The following SNX1 variants were observed in gnomAD, a reference collection of about 807,000 sequenced individuals.
The protein encoded by SNX1 is sorting nexin 1.
In SNX1, 36 loss-of-function variants were observed where a neutral mutation model predicts 71.8. The observed-to-expected ratio is 0.50, with a 90% CI of 0.38 to 0.66. SNX1 has a LOEUF of 0.66. SNX1 is among the 30% of genes least tolerant of loss of function. SNX1 has a pLI of 0.00. For synonymous variants in SNX1, 254 were observed against 240.7 expected (o/e 1.06, Z -0.51); for missense variants, 612 against 646.7 (o/e 0.95, Z 0.58).
Position 64,129,353 on chromosome 15 carries a change from C to A in SNX1, c.808-563C>A. Reference sequence around the variant, plus strand: ...TAGATTTTTCAGCGTCCTTTCCATGCCCTAGGAGAGTACTGGGGAGACTGA... The same window carrying A: ...TAGATTTTTCAGCGTCCTTTCCATGACCTAGGAGAGTACTGGGGAGACTGA... On this transcript the variant is annotated intron_variant, in intron 8 of 14. Transcript: ENST00000559844. This position sits in a 1 kb window ranked among gnomAD's most constrained non-coding sequence, Gnocchi z 4.4. Among the ~76,000 whole-genome samples, 1 of 152,122 alleles carries A rather than the reference C, an allele frequency of 6.6e-6. No homozygotes were observed. Among genetic ancestry groups the A allele is most frequent in the East Asian group, 1.9e-4 (1 of 5,194 alleles).
chr15:64,137,270 C>T (rs752599032), intron 14 of SNX1, among the ~76,000 whole-genome samples: 6 of 152,246 alleles, frequency 3.9e-5, no homozygotes, highest in Non-Finnish European at 7.3e-5. Context: ...GAAACAGTGG[C>T]CCCACTGTGA....
Position 64,134,004 on chromosome 15 carries a change from T to G in SNX1, c.1222-660T>G, listed in dbSNP as rs1264204088. Among the ~76,000 whole-genome samples the G allele has an allele frequency of 1.3e-5, 2 of 152,208 alleles. No individual in the cohort carries two copies. The highest frequency in any genetic ancestry group is 2.9e-5 in the Non-Finnish European group (2 of 68,036). On this transcript the variant is annotated intron_variant, in intron 11 of 14. Transcript: ENST00000559844. This position sits in a 1 kb window ranked among gnomAD's most constrained non-coding sequence, Gnocchi z 4.1. Reference sequence around the variant, plus strand: ...AGCCTAGAGCAGGTGAGTGTGTGGTTGGGAAAAAGCAATGTGGCCCTATGG... The same window carrying G: ...AGCCTAGAGCAGGTGAGTGTGTGGTGGGGAAAAAGCAATGTGGCCCTATGG...
At chr15:64,099,858 C>T (rs974244402) in intron 1 of SNX1, among the ~76,000 whole-genome samples, 1 of 152,114 alleles carries the variant, frequency 6.6e-6, no homozygotes, top group Non-Finnish European at 1.5e-5. Context: ...ATTACAGGCA[C>T]GTACTAGCGT....
intron 1 of SNX1, among the ~76,000 whole-genome samples, chr15:64,107,842 C>G (rs141811130): frequency 9.9e-5 from 15 of 152,160 alleles, no homozygotes; most frequent in South Asian, 4.2e-4. Context: ...GAAATTTAGC[C>G]CCTTTCACAC....
chr15:64,137,756 TC>T lies in SNX1; in HGVS notation c.*142del. The T allele has an allele frequency of 6.7e-7, 1 of 1,492,308 alleles. No individual in the cohort carries two copies. The highest frequency in any genetic ancestry group is 1.3e-5 in the South Asian group (1 of 76,070). 92.4% of individuals were successfully genotyped at this position (1,492,308 alleles called of 1,614,324 possible). ...TCCTCCCTGTCCCCACGACCAACTG[TC>T]CCCAGTTACTCTAACCGTTATTTCA... is the stretch of plus-strand genomic sequence containing the variant. On this transcript the variant is annotated 3_prime_UTR_variant, in exon 15 of 15. Transcript: ENST00000559844.
Position 64,140,360 on chromosome 15 carries a change from G to C in SNX1, c.*2742G>C, listed in dbSNP as rs568955980. The C allele has an allele frequency of 1.3e-5, 2 of 152,310 alleles. No individual in the cohort carries two copies. Among genetic ancestry groups the C allele is most frequent in the African/African-American group, 2.4e-5 (1 of 41,574 alleles). 9.4% of individuals were successfully genotyped at this position (152,310 alleles called of 1,614,324 possible). On this transcript the variant is annotated 3_prime_UTR_variant, in exon 15 of 15. Transcript: ENST00000559844. ...ACTCAGAGTTGCAAGCCATTGCTTT[G>C]ATTTTATCTTGATTCTCAAATTGTC... is the stretch of plus-strand genomic sequence containing the variant.
Position 64,127,189 on chromosome 15 carries a change from A to C in SNX1, c.668A>C (p.Lys223Thr). 6.2e-7 allele frequency: 1 copy of C among 1,613,260 alleles called. No individual in the cohort carries two copies. The highest frequency in any genetic ancestry group is 1.1e-5 in the South Asian group (1 of 90,996). The change falls in exon 7 of 15, where the codon AAA becomes ACA. Residue 223 changes from lysine (K) to threonine (T), a missense_variant. Lys to Thr is a moderately conservative substitution (Grantham distance 78). This residue lies in a region of SNX1 where 316 missense variants were observed against 284.9 expected (regional missense o/e 1.11). Coordinates refer to ENST00000559844, the MANE Select transcript of SNX1 (RefSeq NM_003099.5). ...TCCATTCTAGGGATGACAAAAGTGA[A>C]AGTTGGGAAGGAAGATTCTTCTTCT... ...EKSLIGMTKVKVGKEDSSSAE... is the reference protein window; with the variant it reads ...EKSLIGMTKVTVGKEDSSSAE...
At position 64,134,983 on chromosome 15, in the gene SNX1, C is replaced by G. The variant is rs1225195859; in HGVS notation, c.1365+176C>G. 6 of 729,544 alleles carry G rather than the reference C, an allele frequency of 8.2e-6. No homozygotes were observed. The highest frequency in any genetic ancestry group is 1.3e-5 in the Non-Finnish European group (6 of 459,362). The allele number at this position is 729,544 out of a possible 1,614,324, so 45.2% of individuals were successfully genotyped here. Reference sequence around the variant, plus strand: ...ACTCCAGGCCTTCCTGAGGCCTAGTCCCCCTGTTCTTTTTCTACTCTACGC... The same window carrying G: ...ACTCCAGGCCTTCCTGAGGCCTAGTGCCCCTGTTCTTTTTCTACTCTACGC... On this transcript the variant is annotated intron_variant, in intron 12 of 14. Transcript: ENST00000559844. The surrounding 1 kb of genome is among the most constrained non-coding windows in gnomAD (Gnocchi z 4.1).
chr15:64,098,845 G>A (rs2080929095), intron 1 of SNX1, among the ~76,000 whole-genome samples: 1 of 152,142 alleles, frequency 6.6e-6, no homozygotes, highest in Admixed American at 6.5e-5. Context: ...AGTTGAGGAG[G>A]TCAGAATGAC....
At chr15:64,135,013 T>G in intron 12 of SNX1, 1 of 591,318 alleles carries the variant, frequency 1.7e-6, no homozygotes, top group Non-Finnish European at 2.8e-6. Flanking sequence ...CTACGCAGAC[T>G]TGTCAAATCA....
intron 11 of SNX1, among the ~76,000 whole-genome samples, chr15:64,133,832 G>A (rs1463593866): frequency 6.6e-6 from 1 of 152,218 alleles, no homozygotes; most frequent in African/African-American, 2.4e-5. Flanking sequence ...GATCCAGGCT[G>A]CTGCTTGGGG....
At chr15:64,099,008 G>A (rs1338944078) in intron 1 of SNX1, among the ~76,000 whole-genome samples, 2 of 152,110 alleles carry the variant, frequency 1.3e-5, no homozygotes, top group Non-Finnish European at 2.9e-5. Context: ...AAGAGAGCTC[G>A]CTAGTTTAAC....
At chr15:64,127,603 G>T in intron 7 of SNX1, 128 bp from the exon 8 acceptor site, 1 of 672,340 alleles carries the variant, frequency 1.5e-6, no homozygotes. Context: ...ACCTACTTAA[G>T]TACCTTATCT....
rs750456750 is a variant in SNX1, at chr15:64,131,892, C to T, written c.1221C>T (p.Arg407=). 1.7e-5 allele frequency: 28 copies of T among 1,613,454 alleles called. No homozygotes were observed. The highest frequency in any genetic ancestry group is 3.3e-5 in the South Asian group (3 of 91,086). The change falls in exon 11 of 15, where the codon CGC becomes CGT. Residue 407 remains arginine (R), a splice_region_variant and synonymous_variant. Transcript: ENST00000559844. ...ACATTCGCCTCCTGGCCATAGTCCG[C>T]GTAAGCTTCTGTTTCCTTTTCTCCT... ...SDYIRLLAIV[R]AAFDQRMKTW...
At position 64,129,138 on chromosome 15, in the gene SNX1, T is replaced by C. The variant is rs1269603203; in HGVS notation, c.808-778T>C. Among the ~76,000 whole-genome samples the C allele has an allele frequency of 6.6e-6, 1 of 152,054 alleles. No individual in the cohort carries two copies. Among genetic ancestry groups the C allele is most frequent in the East Asian group, 1.9e-4 (1 of 5,188 alleles). On this transcript the variant is annotated intron_variant, in intron 8 of 14. Transcript: ENST00000559844. This position sits in a 1 kb window ranked among gnomAD's most constrained non-coding sequence, Gnocchi z 4.4. Reference sequence around the variant, plus strand: ...GGCGGGCACCTATAATCCCAGCTACTTGGGAGGCTGAGGCAGGATAATCAC... The same window carrying C: ...GGCGGGCACCTATAATCCCAGCTACCTGGGAGGCTGAGGCAGGATAATCAC...
At chr15:64,112,813 G>A (rs757186892) in intron 2 of SNX1, 129 bp downstream of exon 2, 8 of 558,420 alleles carry the variant, frequency 1.4e-5, no homozygotes, top group Non-Finnish European at 1.2e-5. Flanking sequence ...TTTTGTGGAG[G>A]ATTCCAAAGT....
rs116891719 is a variant in SNX1, at chr15:64,100,118, G to C, written c.159+3946G>C. On this transcript the variant is annotated intron_variant, in intron 1 of 14. Coordinates refer to ENST00000559844, the MANE Select transcript of SNX1 (RefSeq NM_003099.5). ...GAATTTTGAAGTTGAGGCATGTAAA[G>C]TTAAAACTAATTTATGGTATGCCCG... Among the ~76,000 whole-genome samples, 224 of 152,338 alleles carry C rather than the reference G, an allele frequency of 1.5e-3. 1 individual carries two copies. Among genetic ancestry groups the C allele is most frequent in the Non-Finnish European group, 2.2e-3 (148 of 68,018 alleles).
Position 64,096,027 on chromosome 15 carries a change from G to T in SNX1, c.14G>T (p.Gly5Val). 6.3e-7 allele frequency: 1 copy of T among 1,595,726 alleles called. No homozygotes were observed. The highest frequency in any genetic ancestry group is 1.3e-5 in the African/African-American group (1 of 74,972). The change falls in exon 1 of 15, where the codon GGT (glycine) becomes GTT (valine). Residue 5 changes from glycine to valine, a missense_variant. Physicochemically the swap from Gly to Val is moderately radical, Grantham distance 109 (BLOSUM62 -3). Around this residue, in one of 2 missense-constraint regions of SNX1, gnomAD observed 316 missense variants for 284.9 expected, o/e 1.11. Coordinates refer to ENST00000559844, the MANE Select transcript of SNX1 (RefSeq NM_003099.5). MASG[G>V]GGCSASERLP... ...GGGTGGAAGAAGATGGCGTCGGGTG[G>T]TGGTGGCTGTAGCGCTTCGGAGAGA...
intron 1 of SNX1, among the ~76,000 whole-genome samples, chr15:64,104,656 A>T (rs1286361752): frequency 6.7e-6 from 1 of 149,698 alleles, no homozygotes; most frequent in African/African-American, 2.5e-5. Flanking sequence ...AGGCCAAGGC[A>T]GGTAGATCAC....
Sources: gnomAD v4.1 joint callset for allele counts (sites outside exome capture counted in the v4.1 genomes callset) on GRCh38, gnomAD v4.1.1 for gene constraint, gnomAD v4.1.1 regional missense constraint, Gnocchi (gnomAD v3.1) non-coding constraint, MANE v1.5 for transcripts, NCBI Gene and HGNC (gene_info 2026-07-23, HGNC 2026-07-21) for gene names.